The following FNBP4 variants were observed in gnomAD, a reference collection of about 807,000 sequenced individuals.
The protein encoded by FNBP4 is formin binding protein 4.
Under a neutral mutation model 119.3 loss-of-function variants are expected in FNBP4, and 34 were observed. That is an observed-to-expected ratio of 0.28 (90% confidence interval 0.22 to 0.38). The LOEUF (loss-of-function observed/expected upper bound fraction) is 0.38, where lower values mean the gene tolerates loss of function less well. Among genes scored for constraint, FNBP4 ranks in the 10% least tolerant of loss-of-function variants. The pLI, the probability that FNBP4 is intolerant of heterozygous loss-of-function variation, is 1.00. For synonymous variants in FNBP4, 462 were observed against 430.6 expected (o/e 1.07, Z -0.90); for missense variants, 1,112 against 1,228.9 (o/e 0.90, Z 1.42).
At chr11:47,736,210 C>T (rs2097573846) in intron 9 of FNBP4, among the ~76,000 whole-genome samples, 1 of 148,474 alleles carries the variant, frequency 6.7e-6, no homozygotes, top group Non-Finnish European at 1.5e-5. Context: ...CACGGCACTC[C>T]AGCCTGGATG....
At chr11:47,745,906 GT>G in intron 7 of FNBP4, 149 bp downstream of exon 7, 1 of 648,016 alleles carries the variant, frequency 1.5e-6, no homozygotes, top group Non-Finnish European at 2.5e-6. Flanking sequence ...CACCTCTGTA[GT>G]TTAAAGTTTT....
chr11:47,752,984 G>A lies in FNBP4; in HGVS notation c.569C>T (p.Thr190Ile). 6.2e-7 allele frequency: 1 copy of A among 1,614,146 alleles called. No homozygotes were observed. Among genetic ancestry groups the A allele is most frequent in the Non-Finnish European group, 8.5e-7 (1 of 1,180,016 alleles). The change falls in exon 4 of 17, where the codon ACT (threonine) becomes ATT (isoleucine). Residue 190 changes from threonine to isoleucine, a missense_variant. Physicochemically the swap from Thr to Ile is moderately conservative, Grantham distance 89. Coordinates refer to ENST00000263773, the MANE Select transcript of FNBP4 (RefSeq NM_015308.5). Reference protein sequence around the residue: ...EAATSTLSSSTSNGTDSTQTS... With the variant: ...EAATSTLSSSISNGTDSTQTS... ...TTGGGTGGAGTCTGTTCCATTTGAA[G>A]TAGAAGAAGAAAGGGTAGATGTTGC... is the stretch of plus-strand genomic sequence containing the variant.
In FNBP4 at chr11:47,740,425, A is replaced by T. The variant is rs190830934; in HGVS notation, c.1456+3528T>A. ...AGACCCCGTCTCAAAAAAAAAGTAA[A>T]TATAACATGGCTTATTAAAATATCA... On this transcript the variant is annotated intron_variant, in intron 8 of 16. Coordinates refer to ENST00000263773, the MANE Select transcript of FNBP4 (RefSeq NM_015308.5). Among the ~76,000 whole-genome samples the T allele has an allele frequency of 3.3e-5, 5 of 150,886 alleles. No homozygotes were observed. The East Asian group carries it at 9.8e-4, about 29-fold the overall frequency.
At chr11:47,752,753 G>C in intron 4 of FNBP4, 163 bp downstream of exon 4, 4 of 587,108 alleles carry the variant, frequency 6.8e-6, no homozygotes, top group Non-Finnish European at 1.2e-5. Flanking sequence ...GGTGGAGGTT[G>C]GAGCGAGCCA....
chr11:47,730,064 T>G lies in FNBP4; in HGVS notation c.2008+1310A>C, dbSNP rs1041965858. 7.1e-6 allele frequency: 7 copies of G among 985,448 alleles called. No individual in the cohort carries two copies. The African/African-American group carries it at 1.0e-4, about 15-fold the overall frequency. 61.0% of individuals were successfully genotyped at this position (985,448 alleles called of 1,614,324 possible). On this transcript the variant is annotated intron_variant, in intron 12 of 16. Transcript: ENST00000263773. The stretch of plus-strand genomic sequence containing the variant: ...ACAGCTTAATACTCATCTAAAGTGT[T>G]CACAGAACATTCAGAATTGGTAACA...
At chr11:47,746,818 C>T (rs993277353) in intron 6 of FNBP4, among the ~76,000 whole-genome samples, 2 of 152,036 alleles carry the variant, frequency 1.3e-5, no homozygotes, top group Admixed American at 6.6e-5. Flanking sequence ...GCCAAAACCA[C>T]TTACTCCCAA....
At chr11:47,758,501 C>G (rs1262103834) in intron 2 of FNBP4, among the ~76,000 whole-genome samples, 2 of 152,068 alleles carry the variant, frequency 1.3e-5, no homozygotes, top group Non-Finnish European at 2.9e-5. Flanking sequence ...CTCGTCTGAC[C>G]ACAAAATATA....
At chr11:47,729,670 T>C (rs970138150) in intron 12 of FNBP4, 2 of 978,338 alleles carry the variant, frequency 2.0e-6, no homozygotes, top group Non-Finnish European at 2.4e-6. Context: ...CCACTAACTA[T>C]GCCTGGCTAA....
chr11:47,742,034 T>C (rs1011386114), intron 8 of FNBP4, among the ~76,000 whole-genome samples: 1 of 152,168 alleles, frequency 6.6e-6, no homozygotes. Flanking sequence ...TTAAGGCACG[T>C]TGTTAAGTGA....
In FNBP4 at chr11:47,724,009, A is replaced by G. The variant is rs370575997; in HGVS notation, c.2464+19T>C. 17 of 1,606,688 alleles carry G rather than the reference A, an allele frequency of 1.1e-5. No individual in the cohort carries two copies. Among genetic ancestry groups the G allele is most frequent in the Non-Finnish European group, 1.4e-5 (17 of 1,177,742 alleles). ...AGAAACAATACATTGAGGAAAAACC[A>G]CGCTCTATGCACAATTACCTGTAGC... is the stretch of plus-strand genomic sequence containing the variant. On this transcript the variant is annotated intron_variant, in intron 14 of 16. Transcript: ENST00000263773.
At chr11:47,746,836 G>C (rs1465576293) in intron 6 of FNBP4, among the ~76,000 whole-genome samples, 7 of 152,088 alleles carry the variant, frequency 4.6e-5, no homozygotes, top group Admixed American at 4.6e-4. Context: ...CAACAGGTGA[G>C]TATATATTTA....
intron 9 of FNBP4, among the ~76,000 whole-genome samples, chr11:47,736,256 A>AG (rs947944323): frequency 3.4e-5 from 5 of 147,580 alleles, no homozygotes; most frequent in Non-Finnish European, 7.5e-5. Flanking sequence ...AAAAAAAGAA[A>AG]AAAAAAAAAA....
At chr11:47,743,749 G>C (rs1017253080) in intron 8 of FNBP4, 2 of 580,494 alleles carry the variant, frequency 3.4e-6, no homozygotes, top group African/African-American at 1.9e-5. Flanking sequence ...CATCCAGTGG[G>C]TGTCAGCCTC....
chr11:47,754,579 T>C lies in FNBP4; in HGVS notation c.399A>G (p.Thr133=), dbSNP rs2097612161. Residue 133 remains threonine, a synonymous_variant, in exon 3 of 17, where the codon ACA becomes ACG. Coordinates refer to ENST00000263773, the MANE Select transcript of FNBP4 (RefSeq NM_015308.5). ...VSEKLAQSKE[T]NGNQSTDIDS... ...CAATATCAGTTGACTGGTTTCCATT[T>C]GTCTCTTTGGATTGTGCTAGTTTTT... The C allele has an allele frequency of 1.2e-6, 2 of 1,614,186 alleles. No homozygotes were observed. The highest frequency in any genetic ancestry group is 3.3e-5 in the Admixed American group (2 of 60,010).
rs570018221 is a variant in FNBP4, at chr11:47,725,037, A to G, written c.2009-259T>C. ...AGAAATGACTTCCACGGAAAGATAA[A>G]TTTATGAACTTCATAGCACCTTCCC... On this transcript the variant is annotated intron_variant, in intron 12 of 16. Transcript: ENST00000263773. 5.1e-5 allele frequency: 17 copies of G among 336,270 alleles called. 1 individual carries two copies. Among genetic ancestry groups the G allele is most frequent in the Middle Eastern group, 1.6e-3 (2 of 1,218 alleles). 20.8% of individuals were successfully genotyped at this position (336,270 alleles called of 1,614,324 possible).
Position 47,744,129 on chromosome 11 carries a change from C to A in FNBP4, c.1280G>T (p.Ser427Ile), listed in dbSNP as rs751129506. 1 of 1,614,144 alleles carries A rather than the reference C, an allele frequency of 6.2e-7. No individual in the cohort carries two copies. Among genetic ancestry groups the A allele is most frequent in the Non-Finnish European group, 8.5e-7 (1 of 1,180,012 alleles). Residue 427 changes from serine to isoleucine, a missense_variant, in exon 8 of 17, where the codon AGT (serine) becomes ATT (isoleucine). By Grantham distance (142) the Ser-to-Ile change is moderately radical (BLOSUM62 -2). This residue lies in a region of FNBP4 where 826 missense variants were observed against 988.8 expected (regional missense o/e 0.84). Transcript: ENST00000263773. Reference sequence around the variant, plus strand: ...AGAACGTGGACTAGACCCTGACACACTACCATCTCCTTCCTCCAAGGCTCG... The same window carrying A: ...AGAACGTGGACTAGACCCTGACACAATACCATCTCCTTCCTCCAAGGCTCG... The part of the protein sequence containing the change: ...ELRALEEGDG[S>I]VSGSSPRSDI...
At chr11:47,737,987 C>T (rs1365129584) in intron 8 of FNBP4, among the ~76,000 whole-genome samples, 1 of 152,136 alleles carries the variant, frequency 6.6e-6, no homozygotes. Flanking sequence ...TGGTGATCCG[C>T]CCGGCTAGGC....
chr11:47,729,712 C>A lies in FNBP4; in HGVS notation c.2008+1662G>T, dbSNP rs1020977901. 22 of 985,166 alleles carry A rather than the reference C, an allele frequency of 2.2e-5. No homozygotes were observed. In the Admixed American group the frequency reaches 3.1e-4, roughly 14 times the overall value. 61.0% of individuals were successfully genotyped at this position (985,166 alleles called of 1,614,324 possible). On this transcript the variant is annotated intron_variant, in intron 12 of 16. Coordinates refer to ENST00000263773, the MANE Select transcript of FNBP4 (RefSeq NM_015308.5). Reference sequence around the variant, plus strand: ...AAAACAATTTTCTGAAGAGACAGGGCATTGCTGTGTTTTGTTTTTTCTCTT... The same window carrying A: ...AAAACAATTTTCTGAAGAGACAGGGAATTGCTGTGTTTTGTTTTTTCTCTT...
chr11:47,738,734 A>G (rs916446574), intron 8 of FNBP4, among the ~76,000 whole-genome samples: 4 of 151,868 alleles, frequency 2.6e-5, no homozygotes, highest in African/African-American at 9.7e-5. Context: ...AGGCTGGAGA[A>G]CAGTGGAGCT....
Sources: allele counts gnomAD v4.1 joint callset (sites outside exome capture counted in the v4.1 genomes callset), GRCh38; gene constraint gnomAD v4.1.1; regional missense constraint gnomAD v4.1.1; transcripts MANE v1.5; gene names NCBI Gene and HGNC (gene_info 2026-07-23, HGNC 2026-07-21).